Variants in BRIX1 observed in about 807,000 individuals in gnomAD.
BRIX1 encodes the protein ribosome biogenesis protein BRX1 homolog.
Under a neutral mutation model 44.0 loss-of-function variants are expected in BRIX1, and 15 were observed. The ratio of observed to expected loss-of-function variants is 0.34; its 90% CI spans 0.23 to 0.53. BRIX1 has a LOEUF of 0.53. BRIX1 is among the 20% of genes least tolerant of loss of function. The pLI is 0.95. For missense variants in BRIX1, 420 were observed against 432.8 expected (o/e 0.97, Z 0.26); for synonymous variants, 149 against 135.4 (o/e 1.10, Z -0.70).
intron 8 of BRIX1, 94 bp from the exon 9 acceptor site, chr5:34,924,753 T>C: frequency 2.7e-6 from 2 of 735,122 alleles, no homozygotes; most frequent in South Asian, 5.0e-5. Flanking sequence ...GGATTATCAA[T>C]TATTTCAGGC....
At chr5:34,922,053 A>G in intron 3 of BRIX1, 164 bp from the exon 4 acceptor site, 1 of 412,912 alleles carries the variant, frequency 2.4e-6, no homozygotes, top group South Asian at 6.2e-5. Context: ...ACCTAAGAGG[A>G]ACTTTAAAGG....
intron 3 of BRIX1, chr5:34,920,159 A>C (rs1764210303): frequency 4.8e-6 from 1 of 208,348 alleles, no homozygotes; most frequent in Non-Finnish European, 9.6e-6. Context: ...TATTATGCTA[A>C]ATCCATAGTA....
intron 2 of BRIX1, 102 bp from the exon 3 acceptor site, chr5:34,919,738 G>A (rs1764200478): frequency 7.1e-6 from 3 of 420,180 alleles, no homozygotes; most frequent in Admixed American, 4.6e-5. Context: ...AAACTGAAGA[G>A]TGTAAAAACA....
chr5:34,920,724 G>T (rs1373961888), intron 3 of BRIX1: 1 of 152,098 alleles, frequency 6.6e-6, no homozygotes, highest in Non-Finnish European at 1.5e-5. Flanking sequence ...GGAGAAATAT[G>T]GTAAAAGACC....
At chr5:34,922,063 G>T in intron 3 of BRIX1, 154 bp from the exon 4 acceptor site, 1 of 434,888 alleles carries the variant, frequency 2.3e-6, no homozygotes. Context: ...AACTTTAAAG[G>T]TTCCTTCTGT....
chr5:34,918,164 G>A, intron 1 of BRIX1, 200 bp from the exon 2 acceptor site: 1 of 317,310 alleles, frequency 3.2e-6, no homozygotes. Flanking sequence ...AAAAAAACTA[G>A]CTGGACATGG....
At chr5:34,922,961 C>A (rs1214080725) in intron 6 of BRIX1, 40 bp from the exon 7 acceptor site, 2 of 1,353,166 alleles carry the variant, frequency 1.5e-6, no homozygotes, top group Non-Finnish European at 2.1e-6. Flanking sequence ...TTAAACAAGG[C>A]AGTCTACTGT....
At chr5:34,922,809 C>T in intron 6 of BRIX1, 41 bp downstream of exon 6, 1 of 1,555,964 alleles carries the variant, frequency 6.4e-7, no homozygotes, top group Non-Finnish European at 8.8e-7. Context: ...ATTTTCTTAT[C>T]TGGCATGGTT....
intron 2 of BRIX1, 56 bp downstream of exon 2, chr5:34,918,531 T>C: frequency 1.0e-6 from 1 of 978,748 alleles, no homozygotes; most frequent in Non-Finnish European, 1.5e-6. Flanking sequence ...CCTATTTTTA[T>C]GTTTTCACTT....
Position 34,918,479 on chromosome 5 carries a change from C to G in BRIX1, c.271+4C>G, listed in dbSNP as rs1391852910. The G allele has an allele frequency of 1.3e-6, 2 of 1,541,704 alleles. No homozygotes were observed. The highest frequency in any genetic ancestry group is 1.2e-5 in the South Asian group (1 of 84,002). ...TTGATGCCTCATTCTAAAGCAGGTG[C>G]CTTTATATCATATACTTTAGAAATT... On this transcript the variant is annotated splice_donor_region_variant and intron_variant, in intron 2 of 9. Transcript: ENST00000336767.
At chr5:34,924,686 T>G (rs1764314653) in intron 8 of BRIX1, among the ~76,000 whole-genome samples, 161 bp from the exon 9 acceptor site, 1 of 152,146 alleles carries the variant, frequency 6.6e-6, no homozygotes, top group South Asian at 2.1e-4. Context: ...ACTAATAGAT[T>G]TCAGAAAATA....
In BRIX1 at chr5:34,921,218, G is replaced by C. The variant is rs898360423; in HGVS notation, c.316-999G>C. On this transcript the variant is annotated intron_variant, in intron 3 of 9. Coordinates refer to ENST00000336767, the MANE Select transcript of BRIX1 (RefSeq NM_018321.4). Reference sequence around the variant, plus strand: ...TTAATTAGAGTTTATGAATACTACAGTAATACAAGCCTTCACTCCTGTAAT... The same window carrying C: ...TTAATTAGAGTTTATGAATACTACACTAATACAAGCCTTCACTCCTGTAAT... The C allele has an allele frequency of 3.3e-5, 5 of 152,340 alleles. No homozygotes were observed. In the East Asian group the frequency reaches 9.6e-4, roughly 29 times the overall value. The allele number at this position is 152,340 out of a possible 1,614,324, so 9.4% of individuals were successfully genotyped here.
chr5:34,925,164 T>C, intron 9 of BRIX1, 62 bp from the exon 10 acceptor site: 1 of 1,475,086 alleles, frequency 6.8e-7, no homozygotes, highest in East Asian at 2.5e-5. Context: ...TGAAAGTCTT[T>C]GCCTTATATA....
Position 34,922,682 on chromosome 5 carries a change from G to C in BRIX1, c.437-13G>C. 1 of 1,611,664 alleles carries C rather than the reference G, an allele frequency of 6.2e-7. No homozygotes were observed. The highest frequency in any genetic ancestry group is 1.1e-5 in the South Asian group (1 of 90,710). ...AGTTACAACTATTTTTGTTTTTGTT[G>C]TAATTTTTCTAGTTCATACCCTCGC... On this transcript the variant is annotated splice_polypyrimidine_tract_variant and intron_variant, in intron 5 of 9. Transcript: ENST00000336767.
rs1189896896 is a variant in BRIX1, at chr5:34,922,591, A to G, written c.436+3A>G. 4 of 1,602,438 alleles carry G rather than the reference A, an allele frequency of 2.5e-6. No individual in the cohort carries two copies. Among genetic ancestry groups the G allele is most frequent in the Non-Finnish European group, 3.4e-6 (4 of 1,169,724 alleles). The stretch of plus-strand genomic sequence containing the variant: ...TGCTAAATTCCTTGTTCAAAATAGT[A>G]AGTTGACTCAATAAATTTTTTTAGA... On this transcript the variant is annotated splice_donor_region_variant and intron_variant, in intron 5 of 9. Coordinates refer to ENST00000336767, the MANE Select transcript of BRIX1 (RefSeq NM_018321.4).
intron 4 of BRIX1, 70 bp from the exon 5 acceptor site, chr5:34,922,469 A>G: frequency 9.9e-7 from 1 of 1,006,774 alleles, no homozygotes; most frequent in Non-Finnish European, 1.5e-6. Context: ...CATATTATTT[A>G]TGGTGAATAG....
intron 1 of BRIX1, 84 bp downstream of exon 1, chr5:34,915,981 C>A: frequency 3.5e-6 from 5 of 1,423,532 alleles, no homozygotes; most frequent in Non-Finnish European, 4.6e-6. Flanking sequence ...TACAGCCTTG[C>A]TTAATTTCAG....
intron 1 of BRIX1, among the ~76,000 whole-genome samples, chr5:34,917,696 G>C (rs1764147933): frequency 6.6e-6 from 1 of 152,086 alleles, no homozygotes; most frequent in South Asian, 2.1e-4. Context: ...ATATCTATTG[G>C]AGGTGCTCAT....
chr5:34,922,463 T>C, intron 4 of BRIX1, 76 bp from the exon 5 acceptor site: 1 of 974,110 alleles, frequency 1.0e-6, no homozygotes, highest in South Asian at 1.4e-5. Flanking sequence ...TATAAGCATA[T>C]TATTTATGGT....
Sources: allele counts gnomAD v4.1 joint callset (sites outside exome capture counted in the v4.1 genomes callset), GRCh38; gene constraint gnomAD v4.1.1; transcripts MANE v1.5; gene names NCBI Gene and HGNC (gene_info 2026-07-23, HGNC 2026-07-21).